UCMA: variants seen among roughly 807,000 people sequenced by gnomAD.
UCMA encodes the protein upper zone of growth plate and cartilage matrix associated.
In UCMA, 21 loss-of-function variants were observed where a neutral mutation model predicts 21.8. The ratio of observed to expected loss-of-function variants is 0.97; its 90% CI spans 0.68 to 1.39. UCMA has a LOEUF of 1.39. Among genes scored for constraint, UCMA ranks in the 40% most tolerant of loss-of-function variants. The probability of loss-of-function intolerance (pLI) is 0.00; values close to 1 mark genes in which losing one functional copy is unlikely to be tolerated. For synonymous variants in UCMA, 76 were observed against 67.9 expected, an observed-to-expected ratio of 1.12 and a Z score of -0.58; for missense variants, 193 against 178.9, an observed-to-expected ratio of 1.08 and a Z score of -0.45.
At position 13,233,613 on chromosome 10, in the gene UCMA, T is replaced by A. The variant is rs377574269; in HGVS notation, c.145A>T (p.Met49Leu). 1 of 1,614,114 alleles carries A rather than the reference T, an allele frequency of 6.2e-7. No homozygotes were observed. The highest frequency in any genetic ancestry group is 1.1e-5 in the South Asian group (1 of 91,082). Residue 49 changes from methionine (M) to leucine (L), a missense_variant, in exon 3 of 5, where the codon ATG becomes TTG. Coordinates refer to ENST00000378681, the MANE Select transcript of UCMA (RefSeq NM_145314.3). ...ASEDAKQKIF[M>L]QESDASNFLK... ...AAATTCGAGGCATCTGATTCCTGCATGAAAATCTTCTGTTTTGCATCTGAA... is the reference window on the plus strand; with the variant it reads ...AAATTCGAGGCATCTGATTCCTGCAAGAAAATCTTCTGTTTTGCATCTGAA...
At chr10:13,223,286 G>A (rs1834782096) in intron 4 of UCMA, among the ~76,000 whole-genome samples, 2 of 151,624 alleles carry the variant, frequency 1.3e-5, no homozygotes, top group South Asian at 4.2e-4. Flanking sequence ...TTGAAAACAG[G>A]GACACACAAA....
chr10:13,229,089 C>T (rs1215893324), intron 4 of UCMA, among the ~76,000 whole-genome samples: 1 of 152,050 alleles, frequency 6.6e-6, no homozygotes, highest in Admixed American at 6.6e-5. Flanking sequence ...GTGCCCGCCA[C>T]CACACCCAGC....
At chr10:13,227,623 CA>C (rs1272360921) in intron 4 of UCMA, among the ~76,000 whole-genome samples, 1 of 147,372 alleles carries the variant, frequency 6.8e-6, no homozygotes, top group Non-Finnish European at 1.5e-5. Context: ...GAGGCTGAGA[CA>C]GGAGAATCAC....
intron 4 of UCMA, among the ~76,000 whole-genome samples, chr10:13,224,391 GAAAGAGAAAA>G (rs1351772971): frequency 1.3e-5 from 2 of 148,310 alleles, no homozygotes; most frequent in Non-Finnish European, 3.0e-5. Flanking sequence ...AGAGAAGAAA[GAAAGAGAAAA>G]AAAGAGAAAG....
intron 2 of UCMA, 40 bp downstream of exon 2, chr10:13,233,695 G>A (rs1409094063): frequency 1.2e-6 from 2 of 1,613,822 alleles, no homozygotes; most frequent in Admixed American, 1.7e-5. Context: ...TGCTTCGCTG[G>A]CTGCACCTGC....
At position 13,233,846 on chromosome 10, in the gene UCMA, C is replaced by T. The variant is rs376177613; in HGVS notation, c.59-46G>A. 5.2e-5 allele frequency: 84 copies of T among 1,608,384 alleles called. No individual in the cohort carries two copies. The African/African-American group carries it at 1.1e-3, about 20-fold the overall frequency. ...GTGAGGCTGCAGCATCAGAGGGGAG[C>T]CCAGACCCTGAGCTGAGTCCCCATC... On this transcript the variant is annotated intron_variant, in intron 1 of 4. Coordinates refer to ENST00000378681, the MANE Select transcript of UCMA (RefSeq NM_145314.3).
At chr10:13,222,657 G>A (rs561131943) in intron 4 of UCMA, among the ~76,000 whole-genome samples, 1 of 152,026 alleles carries the variant, frequency 6.6e-6, no homozygotes, top group African/African-American at 2.4e-5. Context: ...CCTCCATACT[G>A]TTCTGAATTA....
At chr10:13,227,535 T>G (rs1279392215) in intron 4 of UCMA, among the ~76,000 whole-genome samples, 1 of 151,954 alleles carries the variant, frequency 6.6e-6, no homozygotes, top group African/African-American at 2.4e-5. Context: ...CTGGCCAACA[T>G]AGTAAATCCC....
chr10:13,229,649 C>T lies in UCMA; in HGVS notation c.281G>A (p.Arg94Lys), dbSNP rs1834872748. The stretch of plus-strand genomic sequence containing the variant: ...CTCCACGAAGTTCTCAAATTCATTC[C>T]TTTGTTCCTCGTAATATTCTCTCCG... ...ELRREYYEEQ[R>K]NEFENFVEEQ... Residue 94 changes from arginine (R) to lysine (K), a missense_variant, in exon 4 of 5, where the codon AGG becomes AAG. Transcript: ENST00000378681. The T allele has an allele frequency of 1.2e-6, 2 of 1,614,100 alleles. No individual in the cohort carries two copies. Among genetic ancestry groups the T allele is most frequent in the African/African-American group, 1.3e-5 (1 of 75,018 alleles).
At chr10:13,227,605 C>A (rs1588489623) in intron 4 of UCMA, among the ~76,000 whole-genome samples, 1 of 150,354 alleles carries the variant, frequency 6.7e-6, no homozygotes, top group East Asian at 2.0e-4. Flanking sequence ...GTAATCCCAG[C>A]TACTTGGGAG....
rs1263023205 is a variant in UCMA at position 13,229,790 on chromosome 10, C to A, written c.221-81G>T. ...ACACACTTAGGGGAGCACAGTTCAT[C>A]TGAGAAGTCACCTGGTTGGGGGATG... On this transcript the variant is annotated intron_variant, in intron 3 of 4. Transcript: ENST00000378681. 18 of 1,173,396 alleles carry A rather than the reference C, an allele frequency of 1.5e-5. No homozygotes were observed. The African/African-American group carries it at 2.0e-4, about 13-fold the overall frequency. The allele number at this position is 1,173,396 out of a possible 1,614,324, so 72.7% of individuals were successfully genotyped here.
chr10:13,222,691 C>CTTGTT (rs771929546), intron 4 of UCMA, among the ~76,000 whole-genome samples: 1 of 149,930 alleles, frequency 6.7e-6, no homozygotes. Flanking sequence ...TTCTTTCTTT[C>CTTGTT]TTGTTTTGTT....
intron 4 of UCMA, among the ~76,000 whole-genome samples, chr10:13,222,999 C>A (rs1162718149): frequency 2.6e-5 from 4 of 151,660 alleles, no homozygotes; most frequent in Non-Finnish European, 1.5e-5. Context: ...CTGAGGCTGG[C>A]AGATCACCCA....
Position 13,234,294 on chromosome 10 carries a change from A to G in UCMA, c.-36T>C, listed in dbSNP as rs1834941818. On this transcript the variant is annotated 5_prime_UTR_variant, in exon 1 of 5. Transcript: ENST00000378681. The stretch of plus-strand genomic sequence containing the variant: ...GTAGGGGCTCCGTCCAGGACCCACA[A>G]GGCAGACCAGGCGTCCTGCACCCTT... 6.2e-7 allele frequency: 1 copy of G among 1,608,190 alleles called. No individual in the cohort carries two copies. The highest frequency in any genetic ancestry group is 1.3e-5 in the African/African-American group (1 of 74,882).
In UCMA at chr10:13,233,788, C is replaced by G; in HGVS notation, c.71G>C (p.Gly24Ala). 2 of 1,613,844 alleles carry G rather than the reference C, an allele frequency of 1.2e-6. No individual in the cohort carries two copies. The highest frequency in any genetic ancestry group is 1.6e-4 in the Middle Eastern group (1 of 6,062). ...CATGGTGCCCACAGATACACTGGTT[C>G]CCTCTCTCAGCACTGCAGGACAAGG... ...AVVLLSMLRE[G>A]TSVSVGTMQM... Residue 24 changes from glycine (G) to alanine (A), a missense_variant, in exon 2 of 5, where the codon GGA becomes GCA. Physicochemically the swap from Gly to Ala is moderately conservative, Grantham distance 60. Coordinates refer to ENST00000378681, the MANE Select transcript of UCMA (RefSeq NM_145314.3).
intron 4 of UCMA, among the ~76,000 whole-genome samples, chr10:13,226,393 G>A (rs1411579214): frequency 1.3e-5 from 2 of 151,814 alleles, no homozygotes; most frequent in African/African-American, 2.4e-5. Context: ...GGCTGGTCTC[G>A]AACTCCTGGG....
rs753490238 is a variant in UCMA, at chr10:13,222,116, C to T, written c.404G>A (p.Arg135His). ...TTCAGGATGGGATCAGGTGTGGTGG[C>T]GGTTGTAGAGATAGGATGGGTGCAG... is the stretch of plus-strand genomic sequence containing the variant. ...DGLHPSYLYN[R>H]HHT The change falls in exon 5 of 5, where the codon CGC (arginine) becomes CAC (histidine). Residue 135 changes from arginine (R) to histidine (H), a missense_variant. Transcript: ENST00000378681. 3.3e-5 allele frequency: 53 copies of T among 1,614,020 alleles called. 2 individuals are homozygous for T. In the South Asian group the frequency reaches 4.6e-4, roughly 14 times the overall value.
At chr10:13,222,593 C>T (rs1834772307) in intron 4 of UCMA, among the ~76,000 whole-genome samples, 1 of 152,188 alleles carries the variant, frequency 6.6e-6, no homozygotes, top group Non-Finnish European at 1.5e-5. Flanking sequence ...TAAGGGACTA[C>T]AAACCATGCC....
Position 13,221,918 on chromosome 10 carries a change from A to G in UCMA, c.*185T>C, listed in dbSNP as rs993158525. ...TCACCTCAGAAGATGGTCTGCAAAGAGGTGAAAGTCAGGACACTTTCACAC... is the reference window on the plus strand; with the variant it reads ...TCACCTCAGAAGATGGTCTGCAAAGGGGTGAAAGTCAGGACACTTTCACAC... On this transcript the variant is annotated 3_prime_UTR_variant, in exon 5 of 5. Transcript: ENST00000378681. 4.8e-6 allele frequency: 3 copies of G among 618,908 alleles called. No homozygotes were observed. The highest frequency in any genetic ancestry group is 8.6e-6 in the Non-Finnish European group (3 of 350,788). 38.3% of individuals were successfully genotyped at this position (618,908 alleles called of 1,614,324 possible). A position where few individuals can be genotyped will look rare whatever the true frequency, so the allele number is the denominator to read the frequency against.
Sources: allele counts gnomAD v4.1 joint callset (sites outside exome capture counted in the v4.1 genomes callset), GRCh38; gene constraint gnomAD v4.1.1; transcripts MANE v1.5; gene names NCBI Gene and HGNC (gene_info 2026-07-23, HGNC 2026-07-21).